UNC13C: variants seen among roughly 807,000 people sequenced by gnomAD.
UNC13C encodes unc-13 homolog C.
A neutral mutation model predicts 245.4 loss-of-function variants in UNC13C; 174 were observed. That is an observed-to-expected ratio of 0.71 (90% CI 0.63 to 0.80). The LOEUF is 0.80. UNC13C is among the 30% of genes least tolerant of loss of function. UNC13C has a pLI of 0.00. For synonymous variants in UNC13C, 992 were observed against 895.1 expected (o/e 1.11, Z -1.93); for missense variants, 2,829 against 2,602.9 (o/e 1.09, Z -1.89).
chr15:54,014,750 A>C lies in UNC13C; in HGVS notation c.1847A>C (p.Gln616Pro). The C allele has an allele frequency of 1.2e-6, 2 of 1,613,926 alleles. No homozygotes were observed. The highest frequency in any genetic ancestry group is 1.7e-6 in the Non-Finnish European group (2 of 1,179,846). The part of the protein sequence containing the change: ...LNGGVQGIQG[Q>P]TETENTETVD... Reference sequence around the variant, plus strand: ...GGAGGTGTTCAGGGTATCCAAGGGCAGACTGAAACTGAAAACACAGAAACT... The same window carrying C: ...GGAGGTGTTCAGGGTATCCAAGGGCCGACTGAAACTGAAAACACAGAAACT... Residue 616 changes from glutamine to proline, a missense_variant, in exon 2 of 33, where the codon CAG becomes CCG. Coordinates refer to ENST00000260323, the MANE Select transcript of UNC13C (RefSeq NM_001080534.3).
At chr15:54,287,682 T>C (rs544140734) in intron 10 of UNC13C, among the ~76,000 whole-genome samples, 7 of 152,284 alleles carry the variant, frequency 4.6e-5, no homozygotes, top group South Asian at 4.1e-4. Flanking sequence ...CTATTGCTCA[T>C]ATCTCTTTGG....
chr15:54,022,697 G>A (rs1312098068), intron 2 of UNC13C, among the ~76,000 whole-genome samples: 1 of 152,130 alleles, frequency 6.6e-6, no homozygotes, highest in African/African-American at 2.4e-5. Context: ...TCCAATTCAT[G>A]GATCGTCTCA....
At chr15:54,528,132 A>G (rs897809287) in intron 25 of UNC13C, among the ~76,000 whole-genome samples, 6 of 152,202 alleles carry the variant, frequency 3.9e-5, no homozygotes, top group African/African-American at 1.4e-4. Flanking sequence ...TCTTTGCTGT[A>G]AAGTCAGAGC....
chr15:54,032,387 A>G (rs1431551934), intron 2 of UNC13C, among the ~76,000 whole-genome samples: 1 of 152,254 alleles, frequency 6.6e-6, no homozygotes, highest in Non-Finnish European at 1.5e-5. Flanking sequence ...CAGCCCAGTC[A>G]TCAAATAAAC....
chr15:54,184,348 T>C (rs928564989), intron 4 of UNC13C, among the ~76,000 whole-genome samples: 2 of 152,134 alleles, frequency 1.3e-5, no homozygotes, highest in Non-Finnish European at 2.9e-5. Flanking sequence ...ACATGTGCCA[T>C]GTTGGTGTGC....
chr15:53,989,923 A>T (rs1412927803), intron 1 of UNC13C, among the ~76,000 whole-genome samples: 1 of 151,992 alleles, frequency 6.6e-6, no homozygotes, highest in Non-Finnish European at 1.5e-5. Flanking sequence ...AACCAGAGGA[A>T]AAAATGGGTG....
intron 19 of UNC13C, among the ~76,000 whole-genome samples, chr15:54,444,078 G>C (rs1055773876): frequency 6.6e-6 from 1 of 151,804 alleles, no homozygotes; most frequent in Non-Finnish European, 1.5e-5. Context: ...GGATACTCCA[G>C]TATGGTTACA....
chr15:54,296,053 G>A (rs1055113245), intron 11 of UNC13C, among the ~76,000 whole-genome samples: 9 of 152,100 alleles, frequency 5.9e-5, no homozygotes, highest in Admixed American at 1.3e-4. Flanking sequence ...TCCAAGCAGA[G>A]CCTGCTTCCC....
At chr15:54,339,464 A>G (rs2038674809) in intron 17 of UNC13C, among the ~76,000 whole-genome samples, 1 of 152,034 alleles carries the variant, frequency 6.6e-6, no homozygotes, top group East Asian at 1.9e-4. Flanking sequence ...TATCATTCTT[A>G]CGCCTTTGCA....
At chr15:54,289,133 A>G (rs1009660393) in intron 10 of UNC13C, among the ~76,000 whole-genome samples, 6 of 152,044 alleles carry the variant, frequency 3.9e-5, no homozygotes, top group Admixed American at 1.3e-4. Context: ...GTTCCAAATT[A>G]TGATATTCTC....
intron 2 of UNC13C, among the ~76,000 whole-genome samples, chr15:54,026,521 T>G (rs1481474038): frequency 6.6e-6 from 1 of 152,256 alleles, no homozygotes; most frequent in Non-Finnish European, 1.5e-5. Flanking sequence ...CAGGTTGCAG[T>G]AAAATCATCT....
intron 7 of UNC13C, among the ~76,000 whole-genome samples, chr15:54,247,174 C>T (rs1253445221): frequency 1.3e-5 from 2 of 152,116 alleles, no homozygotes; most frequent in East Asian, 1.9e-4. Context: ...GCTTTTCATC[C>T]CTTCAATCTG....
At chr15:54,195,984 A>G (rs778551060) in intron 4 of UNC13C, among the ~76,000 whole-genome samples, 1 of 152,158 alleles carries the variant, frequency 6.6e-6, no homozygotes, top group South Asian at 2.1e-4. Flanking sequence ...CCCCTTTCTC[A>G]TAGAACCAAG....
At chr15:54,537,150 T>C (rs1224132638) in intron 26 of UNC13C, among the ~76,000 whole-genome samples, 1 of 152,034 alleles carries the variant, frequency 6.6e-6, no homozygotes. Flanking sequence ...AAAATTAATA[T>C]ACAAAAATCA....
chr15:54,033,447 AT>A (rs1352478536), intron 2 of UNC13C, among the ~76,000 whole-genome samples: 2 of 152,036 alleles, frequency 1.3e-5, no homozygotes, highest in African/African-American at 4.8e-5. Flanking sequence ...TTGTCGTGGG[AT>A]TTTTGAACTG....
chr15:53,977,220 G>C (rs1183103434), upstream of UNC13C, among the ~76,000 whole-genome samples: 1 of 152,180 alleles, frequency 6.6e-6, no homozygotes, highest in Non-Finnish European at 1.5e-5. Flanking sequence ...GGGCTCAGCT[G>C]CTAGTACCCA....
intron 4 of UNC13C, among the ~76,000 whole-genome samples, chr15:54,170,492 C>T (rs1362573104): frequency 2.6e-5 from 4 of 152,052 alleles, no homozygotes; most frequent in Non-Finnish European, 2.9e-5. Context: ...ATTATCATTA[C>T]GTGTGGTACT....
At chr15:53,838,900 T>C in the UNC13C span, among the ~76,000 whole-genome samples, 8 of 152,206 alleles carry the variant, frequency 5.3e-5, no homozygotes, top group South Asian at 1.4e-3. Context: ...GGTTAAGGTA[T>C]ATTCAGACAT....
At chr15:54,587,851 C>G (rs1056975502) in intron 30 of UNC13C, among the ~76,000 whole-genome samples, 8 of 152,078 alleles carry the variant, frequency 5.3e-5, no homozygotes, top group African/African-American at 1.9e-4. Flanking sequence ...CTGACATGTT[C>G]AATAATAAAA....
Sources: allele counts gnomAD v4.1 joint callset (sites outside exome capture counted in the v4.1 genomes callset), GRCh38; gene constraint gnomAD v4.1.1; transcripts MANE v1.5; gene names NCBI Gene and HGNC (gene_info 2026-07-23, HGNC 2026-07-21).